The following MLX variants were observed in gnomAD, a reference collection of about 807,000 sequenced individuals.
The protein encoded by MLX is max-like protein X.
A neutral mutation model predicts 33.0 loss-of-function variants in MLX; 15 were observed. That is an observed-to-expected ratio of 0.45 (90% confidence interval 0.30 to 0.70). The LOEUF (loss-of-function observed/expected upper bound fraction) is 0.70. Ranked by LOEUF, MLX falls within the 30% of genes least tolerant of loss-of-function variation. The pLI, the probability that MLX is intolerant of heterozygous loss-of-function variation, is 0.07. For missense variants in MLX, 285 were observed against 306.3 expected, an observed-to-expected ratio of 0.93 and a Z score of 0.52; for synonymous variants, 115 against 115.6, an observed-to-expected ratio of 0.99 and a Z score of 0.03.
chr17:42,568,608 A>G, intron 3 of MLX, 49 bp downstream of exon 3: 11 of 1,533,434 alleles, frequency 7.2e-6, no homozygotes, highest in Non-Finnish European at 9.9e-6. Context: ...ATATGTCATA[A>G]TTGTAGTACC....
chr17:42,570,156 C>T lies in MLX; in HGVS notation c.651C>T (p.Ser217=). The change falls in exon 7 of 8, where the codon AGC becomes AGT. Residue 217 remains serine, a synonymous_variant. Transcript: ENST00000435881. ...SFQELSACVF[S]WIEEHCKPQT... ...AGGAGCTGTCAGCGTGTGTCTTCAGCTGGATCGAGGAGCACTGTAAGCCTC... is the reference window on the plus strand; with the variant it reads ...AGGAGCTGTCAGCGTGTGTCTTCAGTTGGATCGAGGAGCACTGTAAGCCTC... 1 of 1,613,968 alleles carries T rather than the reference C, an allele frequency of 6.2e-7. No homozygotes were observed.
rs748046132 is a variant in MLX, at chr17:42,569,330, G to T, written c.376+27G>T. On this transcript the variant is annotated intron_variant, in intron 5 of 7. Coordinates refer to ENST00000435881, the MANE Select transcript of MLX (RefSeq NM_198204.2). ...TATGGCTAGGGAAAGCACTGGAGGGGATGGAGCCAAGCGGGGCTGTGAAGA... is the reference window on the plus strand; with the variant it reads ...TATGGCTAGGGAAAGCACTGGAGGGTATGGAGCCAAGCGGGGCTGTGAAGA... The T allele has an allele frequency of 4.4e-6, 7 of 1,607,520 alleles. No individual in the cohort carries two copies. In the East Asian group the frequency reaches 6.7e-5, roughly 15 times the overall value.
At position 42,572,599 on chromosome 17, in the gene MLX, A is replaced by G. The variant is rs1014877337; in HGVS notation, c.*996A>G. The G allele has an allele frequency of 2.0e-5, 9 of 452,124 alleles. No individual in the cohort carries two copies. Among genetic ancestry groups the G allele is most frequent in the Admixed American group, 4.7e-5 (2 of 42,382 alleles). 28.0% of individuals were successfully genotyped at this position (452,124 alleles called of 1,614,324 possible). On this transcript the variant is annotated 3_prime_UTR_variant, in exon 8 of 8. Coordinates refer to ENST00000435881, the MANE Select transcript of MLX (RefSeq NM_198204.2). ...AACCTCTCTCTACCCTAGTTCTCCAAATTCACTTCTGCCTTCCTCAGGTTT... is the reference window on the plus strand; with the variant it reads ...AACCTCTCTCTACCCTAGTTCTCCAGATTCACTTCTGCCTTCCTCAGGTTT...
intron 6 of MLX, 56 bp from the exon 7 acceptor site, chr17:42,569,923 ATTC>A (rs2093023813): frequency 7.9e-6 from 12 of 1,512,916 alleles, no homozygotes; most frequent in Admixed American, 1.7e-5. Context: ...TAGTCCCGTC[ATTC>A]TTCTTGGGTG....
rs2093024902 is a variant in MLX, at chr17:42,570,169, C to T, written c.664C>T (p.His222Tyr). 6.2e-7 allele frequency: 1 copy of T among 1,613,808 alleles called. No homozygotes were observed. The highest frequency in any genetic ancestry group is 8.5e-7 in the Non-Finnish European group (1 of 1,180,032). Residue 222 changes from histidine (H) to tyrosine (Y), a missense_variant, in exon 7 of 8, where the codon CAC becomes TAC. Coordinates refer to ENST00000435881, the MANE Select transcript of MLX (RefSeq NM_198204.2). ...SACVFSWIEE[H>Y]CKPQTLREIV... ...GTGTGTCTTCAGCTGGATCGAGGAG[C>T]ACTGTAAGCCTCAGGTATGGGGCAA... is the stretch of plus-strand genomic sequence containing the variant.
In MLX at chr17:42,572,954, T is replaced by A; in HGVS notation, c.*1351T>A. 6.2e-7 allele frequency: 1 copy of A among 1,613,854 alleles called. No homozygotes were observed. Among genetic ancestry groups the A allele is most frequent in the Non-Finnish European group, 8.5e-7 (1 of 1,179,854 alleles). ...GACATCCTGCAGTCCCCACCAGTCCTGACCGTGGGCCCCTCAGGGGTCTGG... is the reference window on the plus strand; with the variant it reads ...GACATCCTGCAGTCCCCACCAGTCCAGACCGTGGGCCCCTCAGGGGTCTGG... On this transcript the variant is annotated 3_prime_UTR_variant, in exon 8 of 8. Transcript: ENST00000435881.
Position 42,571,891 on chromosome 17 carries a change from A to T in MLX, c.*288A>T, listed in dbSNP as rs892418286. 6.8e-6 allele frequency: 3 copies of T among 443,108 alleles called. No individual in the cohort carries two copies. Among genetic ancestry groups the T allele is most frequent in the African/African-American group, 6.0e-5 (3 of 50,082 alleles). The allele number at this position is 443,108 out of a possible 1,614,324, so 27.4% of individuals were successfully genotyped here. On this transcript the variant is annotated 3_prime_UTR_variant, in exon 8 of 8. Transcript: ENST00000435881. ...GATGGGCGTCTGCTCTGGACACCCC[A>T]AAGAGCTCCTGCCCTCTCAGCCCTT...
At chr17:42,567,591 C>T in intron 1 of MLX, 28 bp from the exon 2 acceptor site, 3 of 1,613,840 alleles carry the variant, frequency 1.9e-6, no homozygotes, top group Non-Finnish European at 2.5e-6. Context: ...GGAGGTCTGA[C>T]GGGCCCTTCC....
At chr17:42,568,337 T>G in intron 2 of MLX, 133 bp from the exon 3 acceptor site, 1 of 564,400 alleles carries the variant, frequency 1.8e-6, no homozygotes, top group Non-Finnish European at 3.1e-6. Context: ...CACTCTAGCC[T>G]GGGCGACTGA....
Position 42,571,542 on chromosome 17 carries a change from G to GC in MLX, c.679-3dup. On this transcript the variant is annotated splice_polypyrimidine_tract_variant and splice_region_variant and intron_variant, in intron 7 of 7. Coordinates refer to ENST00000435881, the MANE Select transcript of MLX (RefSeq NM_198204.2). ...GTCTATTTCTTCCTCTGCTGCCCTC[G>GC]CCAGACCCTGCGGGAGATTGTGATT... 3 of 1,614,072 alleles carry GC rather than the reference G, an allele frequency of 1.9e-6. No homozygotes were observed. Among genetic ancestry groups the GC allele is most frequent in the Non-Finnish European group, 2.5e-6 (3 of 1,179,994 alleles).
chr17:42,571,433 G>A, intron 7 of MLX, 114 bp from the exon 8 acceptor site: 1 of 1,162,494 alleles, frequency 8.6e-7, no homozygotes, highest in Non-Finnish European at 1.3e-6. Flanking sequence ...GGCCCCCGGG[G>A]GGCTATTTTT....
intron 5 of MLX, 72 bp from the exon 6 acceptor site, chr17:42,569,435 A>G: frequency 6.6e-7 from 1 of 1,519,180 alleles, no homozygotes; most frequent in South Asian, 1.1e-5. Flanking sequence ...GGGTAAGGGG[A>G]ACAAAGTCAG....
At position 42,567,630 on chromosome 17, in the gene MLX, C is replaced by G; in HGVS notation, c.54C>G (p.Ala18=). Residue 18 remains alanine (A), a synonymous_variant, in exon 2 of 8, where the codon GCC becomes GCG. Transcript: ENST00000435881. ...PEDPWVKVEY[A]YSDNSLDPGL... The stretch of plus-strand genomic sequence containing the variant: ...GCTCTGTGCCGCAGGTGGAGTATGC[C>G]TACAGCGACAACAGCCTGGACCCCG... 6.2e-7 allele frequency: 1 copy of G among 1,614,098 alleles called. No homozygotes were observed. Among genetic ancestry groups the G allele is most frequent in the Non-Finnish European group, 8.5e-7 (1 of 1,179,994 alleles).
Position 42,567,128 on chromosome 17 carries a change from A to T in MLX, c.4A>T (p.Thr2Ser), listed in dbSNP as rs920415713. 5 of 1,259,142 alleles carry T rather than the reference A, an allele frequency of 4.0e-6. No homozygotes were observed. In the South Asian group the frequency reaches 1.1e-4, roughly 27 times the overall value. 78.0% of individuals were successfully genotyped at this position (1,259,142 alleles called of 1,614,324 possible). A position where few individuals can be genotyped will look rare whatever the true frequency, so the allele number is the denominator to read the frequency against. The stretch of plus-strand genomic sequence containing the variant: ...TTTCCGGTCCGGTGGGTACAAGATG[A>T]CGGAGCCGGGCGCCTCTCCCGAGGA... M[T>S]EPGASPEDPW... Residue 2 changes from threonine (T) to serine (S), a missense_variant, in exon 1 of 8, where the codon ACG becomes TCG. By Grantham distance (58) the Thr-to-Ser change is moderately conservative. Coordinates refer to ENST00000435881, the MANE Select transcript of MLX (RefSeq NM_198204.2).
chr17:42,567,490 G>T, intron 1 of MLX, 129 bp from the exon 2 acceptor site: 1 of 1,511,106 alleles, frequency 6.6e-7, no homozygotes. Context: ...GGCTGTGTGT[G>T]TGCAAGCGCG....
At chr17:42,567,786 G>A (rs912902433) in intron 2 of MLX, 131 bp downstream of exon 2, 3 of 1,211,636 alleles carry the variant, frequency 2.5e-6, no homozygotes, top group Non-Finnish European at 1.2e-6. Flanking sequence ...TGAGACAGCA[G>A]GAGCTGAAGG....
Position 42,567,637 on chromosome 17 carries a change from G to A in MLX, c.61G>A (p.Asp21Asn). The A allele has an allele frequency of 6.2e-7, 1 of 1,614,078 alleles. No individual in the cohort carries two copies. The highest frequency in any genetic ancestry group is 8.5e-7 in the Non-Finnish European group (1 of 1,179,986). ...PWVKVEYAYSDNSLDPGLFVE... is the reference protein window; with the variant it reads ...PWVKVEYAYSNNSLDPGLFVE... ...GCCGCAGGTGGAGTATGCCTACAGC[G>A]ACAACAGCCTGGACCCCGGTGAGTA... The change falls in exon 2 of 8, where the codon GAC becomes AAC. Residue 21 changes from aspartate (D) to asparagine (N), a missense_variant. By Grantham distance (23) the Asp-to-Asn change is conservative (BLOSUM62 1). Transcript: ENST00000435881.
At chr17:42,569,387 C>A in intron 5 of MLX, 84 bp downstream of exon 5, 1 of 1,523,948 alleles carries the variant, frequency 6.6e-7, no homozygotes, top group Non-Finnish European at 9.1e-7. Context: ...CATGGCTCGG[C>A]CTTGGTGTGG....
intron 4 of MLX, 81 bp downstream of exon 4, chr17:42,569,024 C>T (rs650558): frequency 0.23 from 331,931 of 1,435,626 alleles, 40,566 homozygotes; most frequent in South Asian, 0.3. Flanking sequence ...CCCACTCAGA[C>T]AGTCCCAGGC....
Sources: allele counts gnomAD v4.1 joint callset, GRCh38; gene constraint gnomAD v4.1.1; transcripts MANE v1.5; gene names NCBI Gene and HGNC (gene_info 2026-07-23, HGNC 2026-07-21).